Variants in ADRA1A observed in about 807,000 individuals in gnomAD.
ADRA1A encodes adrenoceptor alpha 1A, also known as alpha-1A adrenergic receptor.
Under a neutral mutation model 29.6 loss-of-function variants are expected in ADRA1A, and 31 were observed. The observed-to-expected ratio is 1.05, with a 90% CI of 0.79 to 1.41. ADRA1A has a LOEUF of 1.41. Among genes scored for constraint, ADRA1A ranks in the 40% most tolerant of loss-of-function variants. ADRA1A has a pLI of 0.00. For synonymous variants in ADRA1A, 311 were observed against 254.3 expected (o/e 1.22, Z -2.12); for missense variants, 619 against 601.1 (o/e 1.03, Z -0.31).
intron 2 of ADRA1A, among the ~76,000 whole-genome samples, chr8:26,799,625 A>G (rs1225861802): frequency 6.6e-6 from 1 of 152,162 alleles, no homozygotes; most frequent in Non-Finnish European, 1.5e-5. Context: ...TCTAAGATAT[A>G]CTTTTCTGGG....
chr8:26,844,866 G>C (rs1812087374), intron 2 of ADRA1A, among the ~76,000 whole-genome samples: 1 of 152,192 alleles, frequency 6.6e-6, no homozygotes, highest in African/African-American at 2.4e-5. Flanking sequence ...CACAGTGGAA[G>C]AAGAAGAGTT....
chr8:26,781,746 G>T (rs187922789), intron 2 of ADRA1A, among the ~76,000 whole-genome samples: 2 of 152,256 alleles, frequency 1.3e-5, no homozygotes, highest in Non-Finnish European at 2.9e-5. Flanking sequence ...CATATTTGTG[G>T]GATTCAAGTC....
At chr8:26,751,099 T>G (rs1804905038) in intron 2 of ADRA1A, among the ~76,000 whole-genome samples, 1 of 152,174 alleles carries the variant, frequency 6.6e-6, no homozygotes, top group African/African-American at 2.4e-5. Flanking sequence ...TGTAAGTTGT[T>G]TCCCATTTGG....
At chr8:26,859,185 C>T (rs868499807) in intron 2 of ADRA1A, 3 of 1,289,198 alleles carry the variant, frequency 2.3e-6, no homozygotes, top group Non-Finnish European at 3.0e-6. Context: ...AACAGCACGT[C>T]ATATTTAAGA....
At position 26,864,752 on chromosome 8, in the gene ADRA1A, A is replaced by G. The variant is rs1177102605; in HGVS notation, c.218T>C (p.Leu73Pro). 1 of 1,614,150 alleles carries G rather than the reference A, an allele frequency of 6.2e-7. No individual in the cohort carries two copies. Among genetic ancestry groups the G allele is most frequent in the South Asian group, 1.1e-5 (1 of 91,078 alleles). ...GGGCAGCACCGTGGAGGTGAGCAGG[A>G]GGTCGGCCACCGCCAGGTTGACGAT... Reference protein sequence around the residue: ...YYIVNLAVADLLLTSTVLPFS... With the variant: ...YYIVNLAVADPLLTSTVLPFS... Residue 73 changes from leucine (L) to proline (P), a missense_variant, in exon 2 of 3, where the codon CTC becomes CCC. By Grantham distance (98) the Leu-to-Pro change is moderately conservative. Coordinates refer to ENST00000380573, the MANE Select transcript of ADRA1A (RefSeq NM_000680.4). The surrounding 1 kb of genome is among the most constrained non-coding windows in gnomAD (Gnocchi z 8.1).
At chr8:26,850,848 A>T (rs1812578103) in intron 2 of ADRA1A, among the ~76,000 whole-genome samples, 1 of 152,134 alleles carries the variant, frequency 6.6e-6, no homozygotes. Context: ...TCTCTAATAT[A>T]ATAATAAATA....
intron 2 of ADRA1A, among the ~76,000 whole-genome samples, chr8:26,862,145 C>G (rs1234140183): frequency 6.6e-6 from 1 of 152,212 alleles, no homozygotes; most frequent in Non-Finnish European, 1.5e-5. Context: ...ACTGCCCCCT[C>G]CCTGTCTGTA....
chr8:26,815,773 GAGA>G lies in ADRA1A; in HGVS notation c.884-45110_884-45108del, dbSNP rs1351533636. On this transcript the variant is annotated intron_variant, in intron 2 of 2. Transcript: ENST00000380573. This position sits in a 1 kb window ranked among gnomAD's most constrained non-coding sequence, Gnocchi z 4.2. ...TGTGCAGCCTCAAATATTTCTATCA[GAGA>G]AGAAGAAGGCTGAAAATTAATGAGC... Among the ~76,000 whole-genome samples the G allele has an allele frequency of 2.0e-5, 3 of 152,202 alleles. No homozygotes were observed. The highest frequency in any genetic ancestry group is 3.8e-4 in the East Asian group (2 of 5,200).
rs1383686466 is a variant in ADRA1A at position 26,826,270 on chromosome 8, G to A, written c.883+37817C>T. On this transcript the variant is annotated intron_variant, in intron 2 of 2. Coordinates refer to ENST00000380573, the MANE Select transcript of ADRA1A (RefSeq NM_000680.4). ...AGTGGATAGTTGGGTGTTTCTGACT[G>A]GCAAGCAATTCTCCTGCAGACCAAA... Among the ~76,000 whole-genome samples, 6 of 152,280 alleles carry A rather than the reference G, an allele frequency of 3.9e-5. No homozygotes were observed. In the East Asian group the frequency reaches 1.2e-3, roughly 29 times the overall value.
rs7832752 is a variant in ADRA1A, at chr8:26,786,510, G to A, written c.884-15844C>T. ...CATCTCCTGACCTCAAATGATCCACGTGCCTCAGCCTCAGCCTCCCAAAGT... is the reference window on the plus strand; with the variant it reads ...CATCTCCTGACCTCAAATGATCCACATGCCTCAGCCTCAGCCTCCCAAAGT... On this transcript the variant is annotated intron_variant, in intron 2 of 2. Transcript: ENST00000380573. Among the ~76,000 whole-genome samples the A allele has an allele frequency of 4.0e-5, 6 of 151,678 alleles. 1 individual carries two copies. The highest frequency in any genetic ancestry group is 6.8e-3 in the Middle Eastern group (2 of 294).
intron 2 of ADRA1A, among the ~76,000 whole-genome samples, chr8:26,824,106 T>C (rs1403310342): frequency 6.6e-6 from 1 of 151,806 alleles, no homozygotes; most frequent in Non-Finnish European, 1.5e-5. Flanking sequence ...ACAAAATAGG[T>C]AGGGGGCAAG....
chr8:26,779,854 A>G (rs1021528550), intron 2 of ADRA1A, among the ~76,000 whole-genome samples: 5 of 152,136 alleles, frequency 3.3e-5, no homozygotes, highest in African/African-American at 1.2e-4. Flanking sequence ...GCTTCTTAAT[A>G]ATACACGGGC....
In ADRA1A at chr8:26,864,599, C is replaced by T; in HGVS notation, c.371G>A (p.Arg124His). ...IMGLCIISID[R>H]YIGVSYPLRY... ...CAGCGGGTAGCTCACGCCGATGTAG[C>T]GGTCGATGGAGATGATGCAGAGGCC... The change falls in exon 2 of 3, where the codon CGC (arginine) becomes CAC (histidine). Residue 124 changes from arginine (R) to histidine (H), a missense_variant. Physicochemically the swap from Arg to His is conservative, Grantham distance 29. Coordinates refer to ENST00000380573, the MANE Select transcript of ADRA1A (RefSeq NM_000680.4). The surrounding 1 kb of genome is among the most constrained non-coding windows in gnomAD (Gnocchi z 8.1). 9.3e-6 allele frequency: 15 copies of T among 1,614,082 alleles called. No individual in the cohort carries two copies. The highest frequency in any genetic ancestry group is 1.3e-5 in the Non-Finnish European group (15 of 1,180,022).
intron 2 of ADRA1A, among the ~76,000 whole-genome samples, chr8:26,790,471 G>T (rs1360241670): frequency 6.6e-6 from 1 of 152,052 alleles, no homozygotes; most frequent in African/African-American, 2.4e-5. Flanking sequence ...GTGGGGAGGG[G>T]GATAGGGAGA....
At position 26,796,228 on chromosome 8, in the gene ADRA1A, A is replaced by G. The variant is rs964317513; in HGVS notation, c.884-25562T>C. Among the ~76,000 whole-genome samples the G allele has an allele frequency of 4.6e-5, 7 of 152,298 alleles. No individual in the cohort carries two copies. In the East Asian group the frequency reaches 1.3e-3, roughly 29 times the overall value. On this transcript the variant is annotated intron_variant, in intron 2 of 2. Transcript: ENST00000380573. This position sits in a 1 kb window ranked among gnomAD's most constrained non-coding sequence, Gnocchi z 5.0. Reference sequence around the variant, plus strand: ...ATTATTAAAATTGGGTTATAGGTACATCAGCTTCATTACATGATTGTCTCT... The same window carrying G: ...ATTATTAAAATTGGGTTATAGGTACGTCAGCTTCATTACATGATTGTCTCT...
intron 2 of ADRA1A, among the ~76,000 whole-genome samples, chr8:26,786,712 C>A (rs1030296292): frequency 6.7e-6 from 1 of 150,236 alleles, no homozygotes; most frequent in African/African-American, 2.5e-5. Flanking sequence ...TCCCCTTCCA[C>A]CCATCCATAT....
intron 2 of ADRA1A, among the ~76,000 whole-genome samples, chr8:26,859,723 A>T (rs1813305636): frequency 6.6e-6 from 1 of 150,416 alleles, no homozygotes; most frequent in Non-Finnish European, 1.5e-5. Context: ...AGCTACTCAG[A>T]CCCTGTGAAC....
rs921855448 is a variant in ADRA1A, at chr8:26,825,590, C to T, written c.883+38497G>A. 6.6e-6 allele frequency among the ~76,000 whole-genome samples: 1 copy of T among 152,206 alleles called. No individual in the cohort carries two copies. Among genetic ancestry groups the T allele is most frequent in the Admixed American group, 6.5e-5 (1 of 15,280 alleles). On this transcript the variant is annotated intron_variant, in intron 2 of 2. Transcript: ENST00000380573. This position sits in a 1 kb window ranked among gnomAD's most constrained non-coding sequence, Gnocchi z 5.7. ...TTGATACTTATATCCCACTTATTCA[C>T]TAATCCCAGATCAAGCTTCACTTCC...
At chr8:26,759,527 C>A (rs116163639) in intron 2 of ADRA1A, among the ~76,000 whole-genome samples, 1 of 152,194 alleles carries the variant, frequency 6.6e-6, no homozygotes, top group Non-Finnish European at 1.5e-5. Flanking sequence ...TAGATTCAAG[C>A]TGTCATTCAG....
Sources: allele counts gnomAD v4.1 joint callset (sites outside exome capture counted in the v4.1 genomes callset), GRCh38; gene constraint gnomAD v4.1.1; non-coding constraint Gnocchi (gnomAD v3.1); transcripts MANE v1.5; gene names NCBI Gene and HGNC (gene_info 2026-07-23, HGNC 2026-07-21).